TRHDE: variants seen among roughly 807,000 people sequenced by gnomAD.
The protein encoded by TRHDE is thyrotropin releasing hormone degrading enzyme.
A neutral mutation model predicts 125.7 loss-of-function variants in TRHDE; 72 were observed. The ratio of observed to expected loss-of-function variants is 0.57; its 90% CI spans 0.47 to 0.70. The LOEUF is 0.70. Ranked by LOEUF, TRHDE falls within the 30% of genes least tolerant of loss-of-function variation. TRHDE has a pLI of 0.00. For missense variants in TRHDE, 1,110 were observed against 1,327.1 expected (o/e 0.84, Z 2.54); for synonymous variants, 509 against 509.1 (o/e 1.00, Z 0.00).
chr12:72,507,648 C>T (rs1392413381), intron 6 of TRHDE, among the ~76,000 whole-genome samples: 1 of 152,200 alleles, frequency 6.6e-6, no homozygotes, highest in African/African-American at 2.4e-5. Context: ...TTGGAAAATT[C>T]ATAGCCTGGC....
At chr12:72,281,660 T>G (rs1879701462) in intron 1 of TRHDE, among the ~76,000 whole-genome samples, 1 of 152,212 alleles carries the variant, frequency 6.6e-6, no homozygotes, top group Non-Finnish European at 1.5e-5. Flanking sequence ...ATGCCATGAA[T>G]CAATCTGAAT....
At chr12:72,351,306 A>T (rs1243832297) in intron 2 of TRHDE, among the ~76,000 whole-genome samples, 1 of 151,968 alleles carries the variant, frequency 6.6e-6, no homozygotes, top group African/African-American at 2.4e-5. Context: ...CCATGTTACG[A>T]AAGTTTATAT....
At chr12:72,278,475 A>G (rs1183438668) in intron 1 of TRHDE, among the ~76,000 whole-genome samples, 2 of 152,194 alleles carry the variant, frequency 1.3e-5, no homozygotes. Flanking sequence ...TTGCCAGATC[A>G]TATGGTAGTT....
chr12:72,254,556 T>A (rs1362156127), intron 2 of TRHDE: 2 of 152,212 alleles, frequency 1.3e-5, no homozygotes, highest in African/African-American at 4.8e-5. Context: ...CTTTTCCTTT[T>A]TTCTTCAAAC....
intron 5 of TRHDE, among the ~76,000 whole-genome samples, chr12:72,484,794 CCAA>C (rs994910263): frequency 6.6e-6 from 1 of 152,080 alleles, no homozygotes; most frequent in African/African-American, 2.4e-5. Context: ...AGCAAGATGG[CCAA>C]CAAGAAGTTT....
intron 5 of TRHDE, among the ~76,000 whole-genome samples, chr12:72,483,179 A>G (rs1877252794): frequency 6.6e-6 from 1 of 151,874 alleles, no homozygotes; most frequent in South Asian, 2.1e-4. Context: ...AGACACTCAA[A>G]TAAGTATGGA....
At chr12:72,212,111 A>G (rs1027991179) in intron 2 of TRHDE, among the ~76,000 whole-genome samples, 4 of 152,164 alleles carry the variant, frequency 2.6e-5, no homozygotes, top group African/African-American at 9.6e-5. Context: ...TTTTGAATAA[A>G]TAGAATTATG....
intron 3 of TRHDE, among the ~76,000 whole-genome samples, chr12:72,463,634 ACT>A (rs1876229871): frequency 6.6e-6 from 1 of 152,080 alleles, no homozygotes; most frequent in Non-Finnish European, 1.5e-5. Context: ...AGGATACCAG[ACT>A]CTTTCACACT....
intron 2 of TRHDE, among the ~76,000 whole-genome samples, chr12:72,192,752 A>G (rs930461879): frequency 6.6e-6 from 1 of 152,106 alleles, no homozygotes; most frequent in East Asian, 1.9e-4. Flanking sequence ...AAAAGGGACA[A>G]CACAAGTAAA....
In TRHDE at chr12:72,277,055, G is replaced by T. The variant is rs116569898; in HGVS notation, c.914+3498G>T. On this transcript the variant is annotated intron_variant, in intron 1 of 18. Transcript: ENST00000261180. Reference sequence around the variant, plus strand: ...ATATAGCCAAGATAAAGAACATTTTGTTCACTTTCAAAAGGGAGACTGTTT... The same window carrying T: ...ATATAGCCAAGATAAAGAACATTTTTTTCACTTTCAAAAGGGAGACTGTTT... Among the ~76,000 whole-genome samples, 1,440 of 152,282 alleles carry T rather than the reference G, an allele frequency of 9.5e-3. 22 individuals carry two copies. The highest frequency in any genetic ancestry group is 0.033 in the African/African-American group (1,367 of 41,562).
At chr12:72,412,159 C>T (rs1873540341) in intron 3 of TRHDE, among the ~76,000 whole-genome samples, 2 of 151,870 alleles carry the variant, frequency 1.3e-5, no homozygotes, top group South Asian at 2.1e-4. Context: ...AAAAAGACCC[C>T]GTTAAAAGTG....
chr12:72,271,039 A>G (rs749377003), upstream of TRHDE, among the ~76,000 whole-genome samples: 18 of 152,212 alleles, frequency 1.2e-4, no homozygotes, highest in Non-Finnish European at 2.1e-4. Context: ...GTATTCGTTC[A>G]CCGTTCTAAT....
chr12:72,134,202 G>T (rs768031449), intron 2 of TRHDE, among the ~76,000 whole-genome samples: 1 of 152,012 alleles, frequency 6.6e-6, no homozygotes, highest in Non-Finnish European at 1.5e-5. Context: ...CATTGTCCTT[G>T]GTCTGTTTTT....
Position 72,618,680 on chromosome 12 carries a change from C to T in TRHDE, c.2322-211C>T, listed in dbSNP as rs74673747. The stretch of plus-strand genomic sequence containing the variant: ...ATATGCGTTCTGATGTTTTTGTATT[C>T]GTAAATTTTTAACTGTCCAACTCTG... On this transcript the variant is annotated intron_variant, in intron 12 of 18. Coordinates refer to ENST00000261180, the MANE Select transcript of TRHDE (RefSeq NM_013381.3). Among the ~76,000 whole-genome samples, 100 of 152,110 alleles carry T rather than the reference C, an allele frequency of 6.6e-4. No homozygotes were observed. The East Asian group carries it at 0.013, about 20-fold the overall frequency.
chr12:72,559,060 A>G (rs1870053607), intron 7 of TRHDE, among the ~76,000 whole-genome samples: 1 of 152,158 alleles, frequency 6.6e-6, no homozygotes, highest in African/African-American at 2.4e-5. Context: ...GAGATAAAAT[A>G]TAAGGCAACT....
chr12:72,648,943 GAATT>G (rs1874392556), intron 15 of TRHDE, among the ~76,000 whole-genome samples: 1 of 151,780 alleles, frequency 6.6e-6, no homozygotes, highest in Non-Finnish European at 1.5e-5. Context: ...TGGATTGGAA[GAATT>G]AATATTTTAA....
chr12:72,504,032 C>T (rs977679522), intron 6 of TRHDE, among the ~76,000 whole-genome samples: 9 of 151,910 alleles, frequency 5.9e-5, no homozygotes, highest in African/African-American at 1.2e-4. Context: ...AGAAAATGAT[C>T]AGTAGAAAAA....
intron 1 of TRHDE, among the ~76,000 whole-genome samples, chr12:72,275,665 C>A (rs891614579): frequency 6.6e-6 from 1 of 152,106 alleles, no homozygotes; most frequent in African/African-American, 2.4e-5. Flanking sequence ...TTGAGCCATG[C>A]CAAAATATGT....
chr12:72,284,180 T>TA (rs1252504569), intron 1 of TRHDE, among the ~76,000 whole-genome samples: 1 of 152,018 alleles, frequency 6.6e-6, no homozygotes, highest in Non-Finnish European at 1.5e-5. Context: ...TTCCAAAATC[T>TA]AAAAAAATCC....
Sources: allele counts gnomAD v4.1 joint callset (sites outside exome capture counted in the v4.1 genomes callset), GRCh38; gene constraint gnomAD v4.1.1; transcripts MANE v1.5; gene names NCBI Gene and HGNC (gene_info 2026-07-23, HGNC 2026-07-21).